SNTG2: variants seen among roughly 807,000 people sequenced by gnomAD.
SNTG2 encodes the protein syntrophin gamma 2, also known as gamma-2-syntrophin.
A neutral mutation model predicts 70.9 loss-of-function variants in SNTG2; 74 were observed. The ratio of observed to expected loss-of-function variants is 1.04; its 90% CI spans 0.86 to 1.27. SNTG2 has a LOEUF of 1.27. SNTG2 is among the 50% of genes most tolerant of loss of function. The pLI is 0.00. For synonymous variants in SNTG2, 278 were observed against 273.8 expected, an observed-to-expected ratio of 1.02 and a Z score of -0.15; for missense variants, 717 against 690.7, an observed-to-expected ratio of 1.04 and a Z score of -0.43.
At chr2:1,164,914 A>G (rs113172046) in intron 6 of SNTG2, among the ~76,000 whole-genome samples, 2,398 of 152,352 alleles carry the variant, frequency 0.016, 47 homozygotes, top group African/African-American at 0.053. Context: ...TCTGACACAC[A>G]CAGCTTTGCA....
At chr2:1,244,292 T>G (rs1009111600) in intron 11 of SNTG2, among the ~76,000 whole-genome samples, 9 of 152,202 alleles carry the variant, frequency 5.9e-5, no homozygotes, top group African/African-American at 1.9e-4. Context: ...TGGATGTGAT[T>G]ATTCTCTACT....
chr2:981,706 C>T (rs772735586), intron 1 of SNTG2, among the ~76,000 whole-genome samples: 5 of 152,208 alleles, frequency 3.3e-5, no homozygotes, highest in Non-Finnish European at 7.3e-5. Flanking sequence ...TACACATGCA[C>T]ACACAAACAA....
At chr2:1,103,663 C>T (rs866745135) in intron 4 of SNTG2, among the ~76,000 whole-genome samples, 6 of 152,178 alleles carry the variant, frequency 3.9e-5, no homozygotes, top group Admixed American at 6.5e-5. Context: ...ACTGGGATTA[C>T]GGGCGTGAGC....
chr2:1,364,203 A>C (rs985521328), intron 16 of SNTG2, among the ~76,000 whole-genome samples: 1 of 151,182 alleles, frequency 6.6e-6, no homozygotes, highest in African/African-American at 2.4e-5. Context: ...GCTGGTGTCA[A>C]ACTCCTAACT....
intron 1 of SNTG2, 29 bp downstream of exon 1, chr2:951,097 C>G (rs1659940226): frequency 8.5e-7 from 1 of 1,177,602 alleles, no homozygotes; most frequent in Non-Finnish European, 1.1e-6. Context: ...CGCCCCTTCA[C>G]CTCCGGCCCC....
At chr2:1,337,627 C>T (rs1233310280) in intron 16 of SNTG2, among the ~76,000 whole-genome samples, 1 of 152,146 alleles carries the variant, frequency 6.6e-6, no homozygotes, top group African/African-American at 2.4e-5. Context: ...TGTCTTCTCT[C>T]ATTCTGGGAG....
intron 9 of SNTG2, among the ~76,000 whole-genome samples, chr2:1,215,778 C>A (rs1406855848): frequency 1.4e-5 from 2 of 144,806 alleles, no homozygotes; most frequent in African/African-American, 5.1e-5. Flanking sequence ...TTGTTCAATT[C>A]CCACCTATGA....
chr2:1,322,188 TGTATTATCATTCA>T (rs1386861441), intron 16 of SNTG2, among the ~76,000 whole-genome samples: 3 of 152,176 alleles, frequency 2.0e-5, no homozygotes, highest in African/African-American at 7.2e-5. Context: ...AACAAGCAAG[TGTATTATCATTCA>T]GTAACTAAAG....
chr2:1,027,509 C>T (rs927777893), intron 1 of SNTG2, among the ~76,000 whole-genome samples: 3 of 149,990 alleles, frequency 2.0e-5, no homozygotes, highest in African/African-American at 4.9e-5. Context: ...ACTGAAGGTG[C>T]GTCTGACCCA....
At chr2:1,267,631 T>C (rs2148184365) in intron 14 of SNTG2, 60 bp downstream of exon 14, 8 of 1,423,318 alleles carry the variant, frequency 5.6e-6, no homozygotes, top group Middle Eastern at 2.5e-4. Context: ...AGACATAGCA[T>C]TGGGGAATAT....
At chr2:1,166,385 G>A (rs747594992) in intron 7 of SNTG2, among the ~76,000 whole-genome samples, 5 of 152,168 alleles carry the variant, frequency 3.3e-5, no homozygotes, top group Non-Finnish European at 2.9e-5. Context: ...TTCTCATGGG[G>A]GCTGGTGGGC....
chr2:1,117,539 G>A (rs888552027), intron 4 of SNTG2, among the ~76,000 whole-genome samples: 3 of 152,134 alleles, frequency 2.0e-5, no homozygotes, highest in Non-Finnish European at 4.4e-5. Flanking sequence ...GAGCCCTCAC[G>A]GAGTCCTGTG....
chr2:1,063,876 A>G (rs887774581), intron 1 of SNTG2, among the ~76,000 whole-genome samples: 12 of 152,210 alleles, frequency 7.9e-5, no homozygotes, highest in Non-Finnish European at 1.3e-4. Flanking sequence ...ATATTTGAAC[A>G]TACAATGGCC....
At chr2:1,137,837 C>T (rs1307190902) in intron 6 of SNTG2, 28 bp downstream of exon 6, 6 of 1,575,858 alleles carry the variant, frequency 3.8e-6, no homozygotes, top group African/African-American at 1.3e-5. Flanking sequence ...TATAGTTATT[C>T]TGTTTATTAT....
At chr2:1,233,174 G>A (rs1676375452) in intron 9 of SNTG2, among the ~76,000 whole-genome samples, 1 of 152,214 alleles carries the variant, frequency 6.6e-6, no homozygotes, top group Non-Finnish European at 1.5e-5. Context: ...CGGCATTGAA[G>A]CTTTGACGAG....
chr2:1,222,392 T>G (rs1409429904), intron 9 of SNTG2, among the ~76,000 whole-genome samples: 1 of 152,280 alleles, frequency 6.6e-6, no homozygotes, highest in Non-Finnish European at 1.5e-5. Flanking sequence ...TTTTCTTTCC[T>G]TTGTGTGTGG....
intron 14 of SNTG2, among the ~76,000 whole-genome samples, chr2:1,268,847 T>G (rs1179174433): frequency 6.6e-6 from 1 of 152,178 alleles, no homozygotes; most frequent in Non-Finnish European, 1.5e-5. Context: ...GCAGTAATCA[T>G]TTTGCTTTCA....
intron 1 of SNTG2, among the ~76,000 whole-genome samples, chr2:1,002,913 C>A (rs1361025921): frequency 6.6e-6 from 1 of 151,464 alleles, no homozygotes; most frequent in South Asian, 2.1e-4. Flanking sequence ...TATATAGTCA[C>A]CCATAAAAAA....
intron 6 of SNTG2, among the ~76,000 whole-genome samples, chr2:1,163,913 T>A (rs1393817353): frequency 6.6e-6 from 1 of 152,164 alleles, no homozygotes; most frequent in Non-Finnish European, 1.5e-5. Flanking sequence ...TTATGTTGGA[T>A]CTCAGGCCAT....
Sources: allele counts gnomAD v4.1 joint callset (sites outside exome capture counted in the v4.1 genomes callset), GRCh38; gene constraint gnomAD v4.1.1; transcripts MANE v1.5; gene names NCBI Gene and HGNC (gene_info 2026-07-23, HGNC 2026-07-21).